The following AGAP1 variants were observed in gnomAD, a reference collection of about 807,000 sequenced individuals.
The protein encoded by AGAP1 is ArfGAP with GTPase domain, ankyrin repeat and PH domain 1, also known as arf-GAP with GTPase, ANK repeat and PH domain-containing protein 1.
AGAP1 carries 29 observed loss-of-function variants against 105.3 expected under a neutral mutation model. The ratio of observed to expected loss-of-function variants is 0.28; its 90% CI spans 0.21 to 0.38. The LOEUF is 0.38. AGAP1 is among the 10% of genes least tolerant of loss of function. The pLI is 1.00. For missense variants in AGAP1, 998 were observed against 1,165.1 expected, an observed-to-expected ratio of 0.86 and a Z score of 2.09; for synonymous variants, 509 against 485.9, an observed-to-expected ratio of 1.05 and a Z score of -0.63.
rs1955252726 is a variant in AGAP1 at position 235,769,588 on chromosome 2, G to C, written c.673+19100G>C. On this transcript the variant is annotated intron_variant, in intron 6 of 17. Transcript: ENST00000304032. This position sits in a 1 kb window ranked among gnomAD's most constrained non-coding sequence, Gnocchi z 4.4. ...TTGTTCCGTTCATGCTGTTGCGTGAGATAAGTTAGGATGCTCTTGAAGAAG... is the reference window on the plus strand; with the variant it reads ...TTGTTCCGTTCATGCTGTTGCGTGACATAAGTTAGGATGCTCTTGAAGAAG... Among the ~76,000 whole-genome samples the C allele has an allele frequency of 6.6e-6, 1 of 152,182 alleles. No individual in the cohort carries two copies. The highest frequency in any genetic ancestry group is 2.1e-4 in the South Asian group (1 of 4,830).
At position 236,129,378 on chromosome 2, in the gene AGAP1, C is replaced by T. The variant is rs2060052750; in HGVS notation, c.*5256C>T. 6.6e-6 allele frequency: 1 copy of T among 152,306 alleles called. No homozygotes were observed. Among genetic ancestry groups the T allele is most frequent in the Non-Finnish European group, 1.5e-5 (1 of 68,120 alleles). 9.4% of individuals were successfully genotyped at this position (152,306 alleles called of 1,614,324 possible). A position where few individuals can be genotyped will look rare whatever the true frequency, so the allele number is the denominator to read the frequency against. On this transcript the variant is annotated 3_prime_UTR_variant, in exon 18 of 18. Coordinates refer to ENST00000304032, the MANE Select transcript of AGAP1 (RefSeq NM_001037131.3). The surrounding 1 kb of genome is among the most constrained non-coding windows in gnomAD (Gnocchi z 6.2). ...TGCTTTTCAGCAAAATGTCAGCTTT[C>T]CTCCCATTATGCAGGAGAGAGAAGG...
chr2:235,594,969 T>C (rs1945476864), intron 1 of AGAP1, among the ~76,000 whole-genome samples: 1 of 145,364 alleles, frequency 6.9e-6, no homozygotes, highest in Non-Finnish European at 1.5e-5. Context: ...CTAGAGGAGG[T>C]AGCTGGAACC....
At chr2:236,091,738 C>T (rs2059065718) in intron 16 of AGAP1, among the ~76,000 whole-genome samples, 1 of 152,178 alleles carries the variant, frequency 6.6e-6, no homozygotes, top group Admixed American at 6.5e-5. Flanking sequence ...TGCCACTGAA[C>T]TCCAGCCTGG....
chr2:235,950,209 C>T (rs1212921198), intron 12 of AGAP1, among the ~76,000 whole-genome samples: 2 of 152,124 alleles, frequency 1.3e-5, no homozygotes, highest in African/African-American at 2.4e-5. Flanking sequence ...AAGAAACTCC[C>T]GCCAGTCTCA....
intron 11 of AGAP1, among the ~76,000 whole-genome samples, chr2:235,913,542 C>T (rs1274625760): frequency 1.3e-5 from 2 of 152,126 alleles, no homozygotes; most frequent in East Asian, 1.9e-4. Flanking sequence ...AGATGTGTTC[C>T]GAGACCTGGT....
In AGAP1 at chr2:236,123,786, C is replaced by T; in HGVS notation, c.2371-133C>T. On this transcript the variant is annotated intron_variant, in intron 17 of 17. Transcript: ENST00000304032. This position sits in a 1 kb window ranked among gnomAD's most constrained non-coding sequence, Gnocchi z 4.6. ...TGCCACCAGCACTGGATGGTCCTGGCACCCCAGCCAGTTGTGTAGCTGGCC... is the reference window on the plus strand; with the variant it reads ...TGCCACCAGCACTGGATGGTCCTGGTACCCCAGCCAGTTGTGTAGCTGGCC... 4 of 1,114,014 alleles carry T rather than the reference C, an allele frequency of 3.6e-6. No homozygotes were observed. Among genetic ancestry groups the T allele is most frequent in the Non-Finnish European group, 5.2e-6 (4 of 769,054 alleles). The allele number at this position is 1,114,014 out of a possible 1,614,324, so 69.0% of individuals were successfully genotyped here.
chr2:235,886,568 T>A (rs999633544), intron 10 of AGAP1, among the ~76,000 whole-genome samples: 1 of 152,236 alleles, frequency 6.6e-6, no homozygotes, highest in Non-Finnish European at 1.5e-5. Flanking sequence ...CCTTCATTCA[T>A]AAGTATGCAT....
At chr2:235,745,191 C>T (rs960619710) in intron 5 of AGAP1, among the ~76,000 whole-genome samples, 1 of 152,140 alleles carries the variant, frequency 6.6e-6, no homozygotes, top group African/African-American at 2.4e-5. Flanking sequence ...TTTTAATTCT[C>T]TGTTCTATAA....
rs1323969529 is a variant in AGAP1 at position 235,724,238 on chromosome 2, C to T, written c.310+6594C>T. ...TGAATGTGCCTAGGCCAACAGCCAG[C>T]GAGCTCCTGGCCGGGAGCCTGGTAA... On this transcript the variant is annotated intron_variant, in intron 3 of 17. Coordinates refer to ENST00000304032, the MANE Select transcript of AGAP1 (RefSeq NM_001037131.3). The surrounding 1 kb of genome is among the most constrained non-coding windows in gnomAD (Gnocchi z 4.9). 3.3e-5 allele frequency among the ~76,000 whole-genome samples: 5 copies of T among 152,346 alleles called. No homozygotes were observed. Among genetic ancestry groups the T allele is most frequent in the South Asian group, 2.1e-4 (1 of 4,832 alleles).
intron 16 of AGAP1, among the ~76,000 whole-genome samples, chr2:236,111,789 CA>C (rs3030776): frequency 0.017 from 2,041 of 120,230 alleles, 17 homozygotes; most frequent in Middle Eastern, 0.042. Context: ...GACTCTATCT[CA>C]AAAAAAAAAA....
intron 1 of AGAP1, among the ~76,000 whole-genome samples, chr2:235,595,513 GTTAC>G: frequency 6.6e-6 from 1 of 152,318 alleles, no homozygotes; most frequent in African/African-American, 2.4e-5. Context: ...CAATTATGCT[GTTAC>G]TTACAGCTAA....
In AGAP1 at chr2:235,566,103, A is replaced by ATTG. The variant is rs1944337502; in HGVS notation, c.163+71256_163+71257insGTT. Among the ~76,000 whole-genome samples the ATTG allele has an allele frequency of 6.6e-6, 1 of 151,412 alleles. No individual in the cohort carries two copies. The highest frequency in any genetic ancestry group is 2.1e-4 in the South Asian group (1 of 4,784). On this transcript the variant is annotated intron_variant, in intron 1 of 17. Transcript: ENST00000304032. The surrounding 1 kb of genome is among the most constrained non-coding windows in gnomAD (Gnocchi z 5.2). Reference sequence around the variant, plus strand: ...CATTCCTCGATTTATTATTATTATTATTATTTGAGGTGGAGTTTCACTCTG... The same window carrying ATTG: ...CATTCCTCGATTTATTATTATTATTATTGTTATTTGAGGTGGAGTTTCACTCTG...
chr2:235,730,046 T>C lies in AGAP1; in HGVS notation c.311-10917T>C, dbSNP rs3768961. 2.3e-3 allele frequency among the ~76,000 whole-genome samples: 356 copies of C among 152,220 alleles called. 6 individuals are homozygous for C. Among genetic ancestry groups the C allele is most frequent in the East Asian group, 0.02 (105 of 5,174 alleles). ...ATGCAGGCTCATCGAATAGCAACCATCCTTTCTTAGTTTCTTGAAACAAGT... is the reference window on the plus strand; with the variant it reads ...ATGCAGGCTCATCGAATAGCAACCACCCTTTCTTAGTTTCTTGAAACAAGT... On this transcript the variant is annotated intron_variant, in intron 3 of 17. Transcript: ENST00000304032.
intron 1 of AGAP1, among the ~76,000 whole-genome samples, chr2:235,618,381 G>A (rs1463385642): frequency 1.3e-5 from 2 of 152,078 alleles, no homozygotes; most frequent in Non-Finnish European, 2.9e-5. Flanking sequence ...AGGTTCTGTT[G>A]TCATGGGGCA....
chr2:236,087,499 G>A lies in AGAP1; in HGVS notation c.2115-32693G>A, dbSNP rs538305908. Among the ~76,000 whole-genome samples the A allele has an allele frequency of 2.0e-4, 30 of 152,268 alleles. 1 individual carries two copies. In the South Asian group the frequency reaches 5.6e-3, roughly 28 times the overall value. On this transcript the variant is annotated intron_variant, in intron 16 of 17. Coordinates refer to ENST00000304032, the MANE Select transcript of AGAP1 (RefSeq NM_001037131.3). The surrounding 1 kb of genome is among the most constrained non-coding windows in gnomAD (Gnocchi z 5.7). ...AGCCTGTGCCCGCCCCACAGTCCCG[G>A]CTGAAATGGCAAATGCGGTGTAGGA...
chr2:235,564,623 A>G (rs1944280523), intron 1 of AGAP1, among the ~76,000 whole-genome samples: 1 of 142,706 alleles, frequency 7.0e-6, no homozygotes, highest in South Asian at 2.3e-4. Context: ...AGCCTGGACC[A>G]CCACCCAGGG....
At chr2:235,590,440 G>A (rs1945287203) in intron 1 of AGAP1, among the ~76,000 whole-genome samples, 1 of 151,992 alleles carries the variant, frequency 6.6e-6, no homozygotes, top group African/African-American at 2.4e-5. Context: ...TGAGCTCCGC[G>A]AGGCTGGATG....
Position 235,738,528 on chromosome 2 carries a change from C to T in AGAP1, c.311-2435C>T, listed in dbSNP as rs190521756. Reference sequence around the variant, plus strand: ...CTCCAAAGAAAGAGGAACAGATTTCCTTTTCAAATGTTATTTTTCTTTCTT... The same window carrying T: ...CTCCAAAGAAAGAGGAACAGATTTCTTTTTCAAATGTTATTTTTCTTTCTT... On this transcript the variant is annotated intron_variant, in intron 3 of 17. Coordinates refer to ENST00000304032, the MANE Select transcript of AGAP1 (RefSeq NM_001037131.3). Among the ~76,000 whole-genome samples, 916 of 151,956 alleles carry T rather than the reference C, an allele frequency of 6.0e-3. 10 individuals carry two copies. Among genetic ancestry groups the T allele is most frequent in the South Asian group, 0.031 (147 of 4,800 alleles).
At chr2:235,890,938 G>T (rs2050509091) in intron 10 of AGAP1, among the ~76,000 whole-genome samples, 1 of 58,474 alleles carries the variant, frequency 1.7e-5, no homozygotes, top group Non-Finnish European at 4.0e-5. Context: ...CTAAAACTGA[G>T]GCTCAAAAAA....
Sources: allele counts gnomAD v4.1 joint callset (sites outside exome capture counted in the v4.1 genomes callset), GRCh38; gene constraint gnomAD v4.1.1; non-coding constraint Gnocchi (gnomAD v3.1); transcripts MANE v1.5; gene names NCBI Gene and HGNC (gene_info 2026-07-23, HGNC 2026-07-21).